Variants in SPOCK3 observed in about 807,000 individuals in gnomAD.
SPOCK3 encodes the protein testican-3.
In SPOCK3, 30 loss-of-function variants were observed where a neutral mutation model predicts 56.6. The ratio of observed to expected loss-of-function variants is 0.53; its 90% confidence interval spans 0.40 to 0.72. The LOEUF (loss-of-function observed/expected upper bound fraction) is 0.72. Ranked by LOEUF, SPOCK3 falls within the 30% of genes least tolerant of loss-of-function variation. The probability of loss-of-function intolerance (pLI) is 0.00; values close to 1 mark genes in which losing one functional copy is unlikely to be tolerated. For synonymous variants in SPOCK3, 196 were observed against 183.3 expected (o/e 1.07, Z -0.56); for missense variants, 527 against 530.0 (o/e 0.99, Z 0.06).
At chr4:166,928,612 A>G (rs1739380286) in intron 4 of SPOCK3, among the ~76,000 whole-genome samples, 1 of 152,184 alleles carries the variant, frequency 6.6e-6, no homozygotes, top group Non-Finnish European at 1.5e-5. Context: ...TGGTAGATAC[A>G]TGTCATTTTA....
chr4:167,018,467 T>C (rs1750858133), intron 3 of SPOCK3, among the ~76,000 whole-genome samples: 1 of 152,100 alleles, frequency 6.6e-6, no homozygotes, highest in South Asian at 2.1e-4. Context: ...TAAATATGGT[T>C]TGTGATTCTA....
At chr4:166,838,010 T>C (rs1300344719) in intron 6 of SPOCK3, among the ~76,000 whole-genome samples, 2 of 152,190 alleles carry the variant, frequency 1.3e-5, no homozygotes, top group Non-Finnish European at 2.9e-5. Flanking sequence ...CTTCTTGCCC[T>C]CATCGTTTCT....
chr4:166,834,320 C>T (rs944901463), intron 6 of SPOCK3, among the ~76,000 whole-genome samples: 6 of 152,304 alleles, frequency 3.9e-5, no homozygotes, highest in Non-Finnish European at 8.8e-5. Context: ...TCATAGGTAG[C>T]CACCTTTTTC....
At chr4:167,208,437 T>A (rs901247045) in intron 2 of SPOCK3, among the ~76,000 whole-genome samples, 2 of 152,110 alleles carry the variant, frequency 1.3e-5, no homozygotes, top group Non-Finnish European at 2.9e-5. Context: ...AGTCGCTTAC[T>A]TTTAGGAAAA....
intron 3 of SPOCK3, among the ~76,000 whole-genome samples, chr4:167,055,851 G>A (rs1232035505): frequency 6.6e-6 from 1 of 152,238 alleles, no homozygotes; most frequent in East Asian, 1.9e-4. Flanking sequence ...GCCTGCCTCT[G>A]TAGGCTCCAC....
intron 2 of SPOCK3, among the ~76,000 whole-genome samples, chr4:167,135,807 T>C (rs896923828): frequency 1.1e-4 from 17 of 151,990 alleles, no homozygotes; most frequent in African/African-American, 3.6e-4. Context: ...AATGGAATGA[T>C]TGAAGGAAAA....
intron 3 of SPOCK3, among the ~76,000 whole-genome samples, chr4:167,047,014 C>T (rs192849694): frequency 5.9e-5 from 9 of 152,140 alleles, no homozygotes; most frequent in Non-Finnish European, 1.2e-4. Flanking sequence ...AGAGGACATA[C>T]GGATATAACT....
At chr4:166,918,669 A>AGTGG (rs1407649267) in intron 4 of SPOCK3, among the ~76,000 whole-genome samples, 7 of 152,320 alleles carry the variant, frequency 4.6e-5, no homozygotes, top group African/African-American at 1.7e-4. Flanking sequence ...TTTAAAATAC[A>AGTGG]GTGGGAGAAG....
chr4:166,815,157 A>C (rs1166723612), intron 6 of SPOCK3, among the ~76,000 whole-genome samples: 2 of 151,882 alleles, frequency 1.3e-5, no homozygotes, highest in Non-Finnish European at 2.9e-5. Context: ...CTTCATGATA[A>C]TTTTTTTCTT....
intron 3 of SPOCK3, among the ~76,000 whole-genome samples, chr4:167,056,576 C>T (rs541794610): frequency 1.3e-5 from 2 of 152,072 alleles, no homozygotes; most frequent in African/African-American, 2.4e-5. Context: ...ATAACCAATA[C>T]AGAGAAGTAC....
chr4:167,076,516 C>T (rs937981970), intron 2 of SPOCK3, among the ~76,000 whole-genome samples: 2 of 151,664 alleles, frequency 1.3e-5, no homozygotes, highest in African/African-American at 4.8e-5. Context: ...AATTTTATAA[C>T]ATAGCTAATA....
At chr4:167,123,027 C>A (rs948498105) in intron 2 of SPOCK3, among the ~76,000 whole-genome samples, 17 of 151,438 alleles carry the variant, frequency 1.1e-4, no homozygotes, top group South Asian at 4.2e-4. Context: ...AACGTCATGT[C>A]CTCAGTAACA....
At chr4:166,899,293 T>TCTATCTATCTATCTAG (rs555306781) in intron 5 of SPOCK3, among the ~76,000 whole-genome samples, 1 of 139,022 alleles carries the variant, frequency 7.2e-6, no homozygotes, top group African/African-American at 2.7e-5. Context: ...TATCTATCTA[T>TCTATCTATCTATCTAG]CTATCTATGT....
chr4:166,821,774 T>C (rs1213328085), intron 6 of SPOCK3, among the ~76,000 whole-genome samples: 3 of 152,026 alleles, frequency 2.0e-5, no homozygotes, highest in Admixed American at 2.0e-4. Flanking sequence ...CAAATAAGCA[T>C]GAGGTTTCTT....
chr4:166,957,955 T>C (rs1228918690), intron 4 of SPOCK3, among the ~76,000 whole-genome samples: 1 of 152,158 alleles, frequency 6.6e-6, no homozygotes, highest in Non-Finnish European at 1.5e-5. Flanking sequence ...GGGGGGTTAC[T>C]GGGAAGGCAC....
chr4:166,783,387 A>G (rs1740389251), intron 7 of SPOCK3, among the ~76,000 whole-genome samples: 1 of 152,104 alleles, frequency 6.6e-6, no homozygotes, highest in Non-Finnish European at 1.5e-5. Flanking sequence ...TTGGAAAACC[A>G]TATAACTCAG....
At chr4:167,012,845 G>A (rs1350302259) in intron 3 of SPOCK3, among the ~76,000 whole-genome samples, 1 of 151,926 alleles carries the variant, frequency 6.6e-6, no homozygotes, top group Non-Finnish European at 1.5e-5. Context: ...ACTCTATGCT[G>A]TAAAGCTATA....
intron 2 of SPOCK3, among the ~76,000 whole-genome samples, chr4:167,203,338 A>G (rs1462167804): frequency 6.6e-6 from 1 of 151,938 alleles, no homozygotes; most frequent in East Asian, 1.9e-4. Flanking sequence ...CATCTTACCT[A>G]TATACATATT....
intron 2 of SPOCK3, among the ~76,000 whole-genome samples, chr4:167,138,723 C>G (rs553141603): frequency 4.0e-5 from 6 of 151,888 alleles, no homozygotes; most frequent in Admixed American, 1.3e-4. Context: ...TAAGAGAAAG[C>G]CAATTTGCTT....
Sources: gnomAD v4.1 joint callset for allele counts (sites outside exome capture counted in the v4.1 genomes callset) on GRCh38, gnomAD v4.1.1 for gene constraint, MANE v1.5 for transcripts, NCBI Gene and HGNC (gene_info 2026-07-23, HGNC 2026-07-21) for gene names.